Variants in LRP1B observed in about 807,000 individuals in gnomAD.
LRP1B encodes LDL receptor related protein 1B, also known as low-density lipoprotein receptor-related protein 1B.
A neutral mutation model predicts 556.6 loss-of-function variants in LRP1B; 217 were observed. That is an observed-to-expected ratio of 0.39 (90% CI 0.35 to 0.44). LRP1B has a LOEUF of 0.44. LRP1B is among the 20% of genes least tolerant of loss of function. The pLI, the probability that LRP1B is intolerant of heterozygous loss-of-function variation, is 1.00. For synonymous variants in LRP1B, 2,047 were observed against 1,865.8 expected (o/e 1.10, Z -2.50); for missense variants, 5,053 against 5,620.8 (o/e 0.90, Z 3.23).
Position 141,541,306 on chromosome 2 carries a change from T to C in LRP1B, c.206-60773A>G, listed in dbSNP as rs80243229. ...GTTGAGACAGACATGAGATCAGATT[T>C]ATGTTTTAGTTTTAAACATGCTTTG... On this transcript the variant is annotated intron_variant, in intron 2 of 90. Transcript: ENST00000389484. Among the ~76,000 whole-genome samples the C allele has an allele frequency of 3.0e-3, 450 of 152,160 alleles. 3 individuals carry two copies. The highest frequency in any genetic ancestry group is 0.01 in the African/African-American group (435 of 41,566).
intron 1 of LRP1B, among the ~76,000 whole-genome samples, chr2:141,969,688 G>T (rs79138444): frequency 0.038 from 5,813 of 151,562 alleles, 364 homozygotes; most frequent in African/African-American, 0.13. Flanking sequence ...CTGGCTATTG[G>T]GAATAGTGCT....
intron 63 of LRP1B, among the ~76,000 whole-genome samples, chr2:140,446,013 C>T (rs990206191): frequency 1.3e-5 from 2 of 151,312 alleles, no homozygotes; most frequent in East Asian, 1.9e-4. Context: ...TTTAAACATT[C>T]TTTAAAAAAT....
chr2:141,285,172 A>G (rs899911726), intron 3 of LRP1B, among the ~76,000 whole-genome samples: 6 of 146,960 alleles, frequency 4.1e-5, no homozygotes, highest in Non-Finnish European at 7.4e-5. Context: ...ATCTTGGCTC[A>G]CTGCACCCTC....
At chr2:140,801,414 A>C (rs1690505850) in intron 32 of LRP1B, among the ~76,000 whole-genome samples, 1 of 152,130 alleles carries the variant, frequency 6.6e-6, no homozygotes, top group African/African-American at 2.4e-5. Context: ...TAAAGAAGGA[A>C]CAGTTTACCC....
intron 7 of LRP1B, among the ~76,000 whole-genome samples, chr2:141,172,500 T>C (rs1680543837): frequency 6.6e-6 from 1 of 152,058 alleles, no homozygotes; most frequent in Non-Finnish European, 1.5e-5. Flanking sequence ...AAAATGAATA[T>C]TCTTATTTCA....
intron 3 of LRP1B, among the ~76,000 whole-genome samples, chr2:141,255,992 C>T (rs1306751387): frequency 2.0e-5 from 3 of 151,964 alleles, no homozygotes; most frequent in African/African-American, 4.8e-5. Context: ...TACAGTTCCA[C>T]AGATGCAAAA....
At chr2:140,564,421 A>G (rs1036859643) in intron 43 of LRP1B, among the ~76,000 whole-genome samples, 1 of 152,156 alleles carries the variant, frequency 6.6e-6, no homozygotes, top group African/African-American at 2.4e-5. Flanking sequence ...CAAATATATC[A>G]TATAAGTGTT....
At chr2:141,079,933 C>T (rs1422043529) in intron 7 of LRP1B, among the ~76,000 whole-genome samples, 1 of 152,136 alleles carries the variant, frequency 6.6e-6, no homozygotes, top group Non-Finnish European at 1.5e-5. Flanking sequence ...TAAATCATGT[C>T]CAATTTTTAA....
intron 2 of LRP1B, among the ~76,000 whole-genome samples, chr2:141,651,825 A>G (rs2105380506): frequency 6.6e-6 from 1 of 152,242 alleles, no homozygotes; most frequent in South Asian, 2.1e-4. Flanking sequence ...ATAGTACAGG[A>G]TTATATAATT....
At chr2:141,853,207 C>A (rs1323558485) in intron 1 of LRP1B, among the ~76,000 whole-genome samples, 1 of 151,274 alleles carries the variant, frequency 6.6e-6, no homozygotes, top group Non-Finnish European at 1.5e-5. Flanking sequence ...GTAATAAGGA[C>A]TGTGAATGTT....
chr2:141,853,384 T>C (rs1267910549), intron 1 of LRP1B, among the ~76,000 whole-genome samples: 1 of 151,726 alleles, frequency 6.6e-6, no homozygotes, highest in Non-Finnish European at 1.5e-5. Context: ...AAATACTCAA[T>C]CTCAATTGTG....
intron 66 of LRP1B, among the ~76,000 whole-genome samples, chr2:140,431,916 C>T (rs937274969): frequency 2.0e-5 from 3 of 152,118 alleles, no homozygotes; most frequent in Admixed American, 2.0e-4. Context: ...TCCATACCAC[C>T]CCCAAAAATT....
intron 1 of LRP1B, among the ~76,000 whole-genome samples, chr2:141,946,794 T>C (rs1349897017): frequency 6.6e-6 from 1 of 152,176 alleles, no homozygotes; most frequent in African/African-American, 2.4e-5. Flanking sequence ...CTCACCGACA[T>C]TATTTGTTAT....
intron 2 of LRP1B, among the ~76,000 whole-genome samples, chr2:141,762,699 C>T (rs149839612): frequency 0.013 from 2,016 of 152,156 alleles, 50 homozygotes; most frequent in African/African-American, 0.041. Context: ...TGTCCTTGTG[C>T]ATATATGCTG....
chr2:140,659,411 A>G (rs1424949052), intron 41 of LRP1B, among the ~76,000 whole-genome samples: 2 of 151,950 alleles, frequency 1.3e-5, no homozygotes, highest in Non-Finnish European at 2.9e-5. Flanking sequence ...ATTACAGCTA[A>G]TGGAGTGGAA....
At chr2:141,622,630 T>A (rs1182523966) in intron 2 of LRP1B, among the ~76,000 whole-genome samples, 1 of 152,220 alleles carries the variant, frequency 6.6e-6, no homozygotes, top group Non-Finnish European at 1.5e-5. Context: ...TTTATTGACA[T>A]GCTATGTATC....
At chr2:141,638,290 T>A (rs1689174334) in intron 2 of LRP1B, among the ~76,000 whole-genome samples, 2 of 152,206 alleles carry the variant, frequency 1.3e-5, no homozygotes, top group South Asian at 4.1e-4. Flanking sequence ...CCATCATGAT[T>A]GGAAGCTTCT....
At chr2:141,256,414 C>A (rs569639378) in intron 3 of LRP1B, among the ~76,000 whole-genome samples, 1 of 151,814 alleles carries the variant, frequency 6.6e-6, no homozygotes, top group South Asian at 2.1e-4. Context: ...CTGTTTGGAG[C>A]CAGGTCAAGG....
intron 11 of LRP1B, among the ~76,000 whole-genome samples, chr2:141,026,471 A>C (rs1179094657): frequency 6.6e-6 from 1 of 152,128 alleles, no homozygotes; most frequent in Non-Finnish European, 1.5e-5. Context: ...GTTGAGCTTA[A>C]AAGTTAGAGA....
Sources: allele counts gnomAD v4.1 joint callset (sites outside exome capture counted in the v4.1 genomes callset), GRCh38; gene constraint gnomAD v4.1.1; transcripts MANE v1.5; gene names NCBI Gene and HGNC (gene_info 2026-07-23, HGNC 2026-07-21).